SLC25A48: variants seen among roughly 807,000 people sequenced by gnomAD.
SLC25A48 encodes the protein solute carrier family 25 member 48, also known as CTC-321K16.1.
Under a neutral mutation model 32.2 loss-of-function variants are expected in SLC25A48, and 29 were observed. The ratio of observed to expected loss-of-function variants is 0.90; its 90% CI spans 0.67 to 1.23. The LOEUF is 1.23. Ranked by LOEUF, SLC25A48 falls within the 50% of genes most tolerant of loss-of-function variation. The pLI is 0.00. For missense variants in SLC25A48, 399 were observed against 422.7 expected (o/e 0.94, Z 0.49); for synonymous variants, 164 against 172.3 (o/e 0.95, Z 0.38).
At chr5:135,599,464 GC>G (rs1383171617) in intron 1 of SLC25A48, among the ~76,000 whole-genome samples, 2 of 152,122 alleles carry the variant, frequency 1.3e-5, no homozygotes, top group African/African-American at 4.8e-5. Flanking sequence ...TTCTTCCTTG[GC>G]CATGCATAAG....
intron 3 of SLC25A48, among the ~76,000 whole-genome samples, chr5:135,794,396 G>T (rs1345405347): frequency 2.0e-5 from 3 of 151,822 alleles, no homozygotes; most frequent in Non-Finnish European, 4.4e-5. Context: ...GAGAGGAGAT[G>T]ATGATATCAC....
intron 3 of SLC25A48, among the ~76,000 whole-genome samples, chr5:135,712,516 T>C (rs1754690764): frequency 1.3e-5 from 2 of 152,190 alleles, no homozygotes. Context: ...GAGGAAGAGA[T>C]CAGTCTCCAG....
intron 3 of SLC25A48, among the ~76,000 whole-genome samples, chr5:135,696,827 A>G (rs566492099): frequency 9.2e-5 from 14 of 152,246 alleles, no homozygotes; most frequent in Admixed American, 7.8e-4. Context: ...CCTGCCAATC[A>G]CTATGCCCAG....
chr5:135,886,478 A>T (rs1762717196), intron 7 of SLC25A48, among the ~76,000 whole-genome samples: 1 of 150,730 alleles, frequency 6.6e-6, no homozygotes, highest in Non-Finnish European at 1.5e-5. Flanking sequence ...GTCAGCCAGC[A>T]ATGGATCTGC....
intron 3 of SLC25A48, chr5:135,649,030 C>G (rs1753038079): frequency 6.6e-6 from 1 of 152,278 alleles, no homozygotes; most frequent in African/African-American, 2.4e-5. Flanking sequence ...CAGCTTCCCT[C>G]TGGGAGAGCC....
intron 3 of SLC25A48, among the ~76,000 whole-genome samples, chr5:135,779,721 T>C (rs1756673919): frequency 8.5e-6 from 1 of 117,918 alleles, no homozygotes; most frequent in South Asian, 3.0e-4. Flanking sequence ...GAAAGAATAA[T>C]ATTAATCCCA....
intron 5 of SLC25A48, chr5:135,871,976 C>A: frequency 7.3e-7 from 1 of 1,376,416 alleles, no homozygotes; most frequent in South Asian, 2.4e-5. Context: ...TACTCTGTGT[C>A]AGGCATTACT....
intron 1 of SLC25A48, among the ~76,000 whole-genome samples, chr5:135,840,013 T>C (rs1312359404): frequency 3.3e-5 from 5 of 152,232 alleles, no homozygotes; most frequent in Admixed American, 1.3e-4. Context: ...ATGTCTTTGA[T>C]AGCAGCATGA....
intron 3 of SLC25A48, among the ~76,000 whole-genome samples, chr5:135,679,077 C>T (rs999492358): frequency 6.6e-6 from 1 of 152,066 alleles, no homozygotes; most frequent in Non-Finnish European, 1.5e-5. Context: ...GGGTCTTGGG[C>T]CCCTGGGCAG....
intron 3 of SLC25A48, among the ~76,000 whole-genome samples, chr5:135,799,428 G>C (rs908764465): frequency 2.0e-5 from 3 of 151,246 alleles, no homozygotes; most frequent in African/African-American, 7.3e-5. Flanking sequence ...TGCCCGGTGG[G>C]GGGAGAAGAT....
intron 3 of SLC25A48, among the ~76,000 whole-genome samples, chr5:135,743,864 C>T (rs1755569401): frequency 6.6e-6 from 1 of 152,212 alleles, no homozygotes; most frequent in Non-Finnish European, 1.5e-5. Flanking sequence ...CTCCCATAAA[C>T]AAGGACATGT....
At chr5:135,872,909 G>T (rs1192546347) in intron 5 of SLC25A48, among the ~76,000 whole-genome samples, 2 of 152,192 alleles carry the variant, frequency 1.3e-5, no homozygotes, top group African/African-American at 4.8e-5. Context: ...GCCCCCAGGT[G>T]CCTGTGCTCA....
At chr5:135,821,937 A>T (rs1489436251) in intron 4 of SLC25A48, 1 of 152,258 alleles carries the variant, frequency 6.6e-6, no homozygotes, top group Non-Finnish European at 1.5e-5. Context: ...AGTGGTGCTC[A>T]CTAGAGACTG....
chr5:135,852,316 G>A (rs1454217218), intron 3 of SLC25A48, among the ~76,000 whole-genome samples: 2 of 152,176 alleles, frequency 1.3e-5, no homozygotes, highest in African/African-American at 2.4e-5. Context: ...CATGGCATGT[G>A]TGGGTTCCAG....
chr5:135,835,331 A>C lies in SLC25A48; in HGVS notation c.46+438A>C, dbSNP rs150774118. ...GTGGTGGGAGCCAGGCTTCGAGATT[A>C]GGCCGGCCCAACGGGGCGTCCCGAC... is the stretch of plus-strand genomic sequence containing the variant. On this transcript the variant is annotated intron_variant, in intron 1 of 7. Transcript: ENST00000681962. 2.4e-3 allele frequency among the ~76,000 whole-genome samples: 360 copies of C among 151,430 alleles called. 2 individuals are homozygous for C. Among genetic ancestry groups the C allele is most frequent in the African/African-American group, 8.0e-3 (331 of 41,528 alleles).
At chr5:135,792,384 TATC>T (rs1433414512) in intron 3 of SLC25A48, among the ~76,000 whole-genome samples, 4 of 151,728 alleles carry the variant, frequency 2.6e-5, no homozygotes, top group African/African-American at 9.7e-5. Context: ...CAGGGGGTGA[TATC>T]ATTTCTATTA....
At chr5:135,622,938 G>A (rs1487367935) in intron 1 of SLC25A48, among the ~76,000 whole-genome samples, 9 of 152,216 alleles carry the variant, frequency 5.9e-5, no homozygotes, top group Admixed American at 1.3e-4. Flanking sequence ...GGGGCCATGA[G>A]GATGGATGGG....
chr5:135,786,745 A>G (rs1345567934), intron 3 of SLC25A48, among the ~76,000 whole-genome samples: 2 of 151,770 alleles, frequency 1.3e-5, no homozygotes, highest in Admixed American at 1.3e-4. Context: ...GTTATATTTA[A>G]TGTCGCAGTG....
upstream of SLC25A48, among the ~76,000 whole-genome samples, chr5:135,834,018 G>A (rs1758311659): frequency 6.6e-6 from 1 of 152,182 alleles, no homozygotes; most frequent in Admixed American, 6.5e-5. Flanking sequence ...CAGAACGCTG[G>A]GGGGCTTCGA....
Sources: allele counts gnomAD v4.1 joint callset (sites outside exome capture counted in the v4.1 genomes callset), GRCh38; gene constraint gnomAD v4.1.1; transcripts MANE v1.5; gene names NCBI Gene and HGNC (gene_info 2026-07-23, HGNC 2026-07-21).